The following DCAF17 variants were observed in gnomAD, a reference collection of about 807,000 sequenced individuals.
DCAF17 encodes the protein DDB1 and CUL4 associated factor 17, also known as DDB1- and CUL4-associated factor 17.
In DCAF17, 48 loss-of-function variants were observed where a neutral mutation model predicts 66.0. The observed-to-expected ratio is 0.73, with a 90% CI of 0.58 to 0.92. The LOEUF (loss-of-function observed/expected upper bound fraction) is 0.92, where lower values mean the gene tolerates loss of function less well. Among genes scored for constraint, DCAF17 ranks in the 40% least tolerant of loss-of-function variants. The probability of loss-of-function intolerance (pLI) is 0.00; values close to 1 mark genes in which losing one functional copy is unlikely to be tolerated. For synonymous variants in DCAF17, 206 were observed against 214.6 expected (o/e 0.96, Z 0.35); for missense variants, 562 against 622.8 (o/e 0.90, Z 1.04).
chr2:171,463,717 T>A (rs1695733179), intron 8 of DCAF17, among the ~76,000 whole-genome samples: 1 of 152,258 alleles, frequency 6.6e-6, no homozygotes, highest in Non-Finnish European at 1.5e-5. Context: ...CTATTAGTGA[T>A]CCTTGCCTGA....
intron 2 of DCAF17, among the ~76,000 whole-genome samples, chr2:171,437,113 T>A (rs1278852864): frequency 6.6e-6 from 1 of 152,184 alleles, no homozygotes; most frequent in Non-Finnish European, 1.5e-5. Context: ...TTTATCTAAA[T>A]TTTTTTCATT....
At chr2:171,457,890 A>C in intron 6 of DCAF17, 81 bp from the exon 7 acceptor site, 1 of 1,079,618 alleles carries the variant, frequency 9.3e-7, no homozygotes, top group Non-Finnish European at 1.4e-6. Flanking sequence ...AATATTAAGC[A>C]AGAGTACAAA....
In DCAF17 at chr2:171,448,689, A is replaced by C; in HGVS notation, c.330A>C (p.Ile110=). The change falls in exon 4 of 14, where the codon ATA becomes ATC. Residue 110 remains isoleucine (I), a synonymous_variant. Transcript: ENST00000375255. ...ALLWECPVGD[I]LPNSSDYKSS... The stretch of plus-strand genomic sequence containing the variant: ...TCTCTTTTTTTTTTTAGGGAGATAT[A>C]CTTCCCAATTCATCAGATTATAAGT... 6.3e-7 allele frequency: 1 copy of C among 1,583,372 alleles called. No individual in the cohort carries two copies. The highest frequency in any genetic ancestry group is 8.6e-7 in the Non-Finnish European group (1 of 1,167,324).
At chr2:171,458,169 C>T in intron 7 of DCAF17, 94 bp downstream of exon 7, 1 of 1,212,094 alleles carries the variant, frequency 8.3e-7, no homozygotes, top group East Asian at 2.3e-5. Flanking sequence ...TAGAGTAAGG[C>T]ACTTCTGTAG....
intron 8 of DCAF17, among the ~76,000 whole-genome samples, chr2:171,464,484 C>T (rs1286634206): frequency 1.3e-5 from 2 of 152,182 alleles, no homozygotes; most frequent in East Asian, 3.8e-4. Context: ...ATCTCTTTCT[C>T]CTTATAAGGA....
chr2:171,477,789 C>G (rs967367172), intron 11 of DCAF17, among the ~76,000 whole-genome samples, 198 bp from the exon 12 acceptor site: 1 of 152,138 alleles, frequency 6.6e-6, no homozygotes, highest in Non-Finnish European at 1.5e-5. Flanking sequence ...GCACTCCAGC[C>G]TAGGCGACAG....
Position 171,458,432 on chromosome 2 carries a change from G to A in DCAF17, c.793G>A (p.Val265Ile). Residue 265 changes from valine to isoleucine, a missense_variant, in exon 8 of 14, where the codon GTA (valine) becomes ATA (isoleucine). Transcript: ENST00000375255. ...ACRWGGTTGT[V>I]GEAPFGIPCN... ...CAGATGGGGTGGGACTACTGGAACT[G>A]TAGGAGAGGCTCCTTTTGGCATTCC... The A allele has an allele frequency of 1.2e-6, 2 of 1,614,058 alleles. No individual in the cohort carries two copies. Among genetic ancestry groups the A allele is most frequent in the Non-Finnish European group, 1.7e-6 (2 of 1,179,958 alleles).
chr2:171,477,876 G>A (rs1400971355), intron 11 of DCAF17, 111 bp from the exon 12 acceptor site: 1 of 818,792 alleles, frequency 1.2e-6, no homozygotes, highest in Non-Finnish European at 2.1e-6. Flanking sequence ...GGAAAGAATT[G>A]TGGATGTGGG....
At chr2:171,476,811 G>A (rs771801869) in intron 10 of DCAF17, 49 bp from the exon 11 acceptor site, 3 of 1,400,642 alleles carry the variant, frequency 2.1e-6, no homozygotes, top group Admixed American at 3.4e-5. Context: ...TTGGCACCTT[G>A]ATGGTGTTTT....
chr2:171,472,258 C>T (rs1696285878), intron 9 of DCAF17, among the ~76,000 whole-genome samples: 1 of 152,044 alleles, frequency 6.6e-6, no homozygotes, highest in East Asian at 1.9e-4. Context: ...CGGCTTACTG[C>T]AAGCTCTGCC....
intron 9 of DCAF17, chr2:171,472,837 GT>G: frequency 3.6e-6 from 1 of 280,862 alleles, no homozygotes; most frequent in Non-Finnish European, 7.5e-6. Context: ...TGAATATCTA[GT>G]AGGAAATATG....
chr2:171,477,361 A>G (rs146445235), intron 11 of DCAF17, among the ~76,000 whole-genome samples: 26 of 152,346 alleles, frequency 1.7e-4, no homozygotes, highest in Non-Finnish European at 3.2e-4. Flanking sequence ...GGGGAGAACA[A>G]TTTCAAAAAC....
At position 171,482,238 on chromosome 2, in the gene DCAF17, G is replaced by C; in HGVS notation, c.*1124G>C. The C allele has an allele frequency of 2.2e-6, 1 of 453,922 alleles. No homozygotes were observed. Among genetic ancestry groups the C allele is most frequent in the Non-Finnish European group, 4.4e-6 (1 of 226,722 alleles). The allele number at this position is 453,922 out of a possible 1,614,324, so 28.1% of individuals were successfully genotyped here. ...TTTCGCATGTTCTGCACATTTATCC[G>C]ATGTAACCTCAAAAGAATAACTGGT... On this transcript the variant is annotated 3_prime_UTR_variant, in exon 14 of 14. Coordinates refer to ENST00000375255, the MANE Select transcript of DCAF17 (RefSeq NM_025000.4).
At chr2:171,466,761 T>C (rs1344522228) in intron 8 of DCAF17, among the ~76,000 whole-genome samples, 2 of 150,606 alleles carry the variant, frequency 1.3e-5, no homozygotes, top group Non-Finnish European at 3.0e-5. Context: ...AATTCCTATG[T>C]CCTCTATATT....
chr2:171,465,635 A>G (rs1344586672), intron 8 of DCAF17, among the ~76,000 whole-genome samples: 4 of 152,010 alleles, frequency 2.6e-5, no homozygotes, highest in East Asian at 1.9e-4. Context: ...ACACACCACC[A>G]CACCTGGCTA....
intron 12 of DCAF17, 76 bp from the exon 13 acceptor site, chr2:171,479,962 T>C (rs187702299): frequency 6.6e-7 from 1 of 1,522,272 alleles, no homozygotes; most frequent in Middle Eastern, 2.4e-4. Context: ...ATACTTAAAC[T>C]ATAAATACAG....
In DCAF17 at chr2:171,483,244, A is replaced by T. The variant is rs749770451; in HGVS notation, c.*2130A>T. ...ATTAATGTCTTCCTGCCCTACCTAA[A>T]CCCCCTCTTTACCTGATATTTTAAT... On this transcript the variant is annotated 3_prime_UTR_variant, in exon 14 of 14. Transcript: ENST00000375255. The T allele has an allele frequency of 2.2e-6, 1 of 453,482 alleles. No individual in the cohort carries two copies. The highest frequency in any genetic ancestry group is 4.4e-6 in the Non-Finnish European group (1 of 226,684). 28.1% of individuals were successfully genotyped at this position (453,482 alleles called of 1,614,324 possible).
intron 2 of DCAF17, among the ~76,000 whole-genome samples, chr2:171,439,060 T>C (rs1409619821): frequency 1.3e-5 from 2 of 151,988 alleles, no homozygotes; most frequent in Non-Finnish European, 2.9e-5. Flanking sequence ...CTTGCTCTTA[T>C]GCTCTCTGAA....
Position 171,484,426 on chromosome 2 carries a change from C to A in DCAF17, c.*3312C>A. 1 of 411,620 alleles carries A rather than the reference C, an allele frequency of 2.4e-6. No homozygotes were observed. Among genetic ancestry groups the A allele is most frequent in the South Asian group, 1.8e-5 (1 of 55,802 alleles). 25.5% of individuals were successfully genotyped at this position (411,620 alleles called of 1,614,324 possible). On this transcript the variant is annotated 3_prime_UTR_variant, in exon 14 of 14. Transcript: ENST00000375255. ...GAAAGAATTTTATAGTAAATACTGA[C>A]CACGGGGATTCTACATCTTACTCTA...
Sources: allele counts gnomAD v4.1 joint callset (sites outside exome capture counted in the v4.1 genomes callset), GRCh38; gene constraint gnomAD v4.1.1; transcripts MANE v1.5; gene names NCBI Gene and HGNC (gene_info 2026-07-23, HGNC 2026-07-21).